Variants in FGF12 observed in about 807,000 individuals in gnomAD.
FGF12 encodes fibroblast growth factor 12.
In FGF12, 14 loss-of-function variants were observed where a neutral mutation model predicts 23.6. The observed-to-expected ratio is 0.59, with a 90% CI of 0.39 to 0.93. The LOEUF (loss-of-function observed/expected upper bound fraction) is 0.93. FGF12 is among the 40% of genes least tolerant of loss of function. FGF12 has a pLI of 0.00. For synonymous variants in FGF12, 62 were observed against 77.3 expected (o/e 0.80, Z 1.04); for missense variants, 175 against 217.8 (o/e 0.80, Z 1.24).
chr3:192,404,558 T>C (rs1326986929), intron 2 of FGF12, among the ~76,000 whole-genome samples: 1 of 152,240 alleles, frequency 6.6e-6, no homozygotes. Flanking sequence ...GGCATCAACA[T>C]TTAGGCAAAT....
At chr3:192,531,029 G>T (rs896601749) in intron 2 of FGF12, among the ~76,000 whole-genome samples, 3 of 152,120 alleles carry the variant, frequency 2.0e-5, no homozygotes, top group Admixed American at 2.0e-4. Flanking sequence ...TGGCCAGGCT[G>T]GTCTCGAACT....
At chr3:192,475,907 T>C (rs1259790320) in intron 2 of FGF12, among the ~76,000 whole-genome samples, 2 of 151,916 alleles carry the variant, frequency 1.3e-5, no homozygotes, top group Non-Finnish European at 2.9e-5. Flanking sequence ...AGATAGATGG[T>C]AGATATAGAT....
rs561615614 is a variant in FGF12, at chr3:192,365,437, A to AT, written c.14-4900dup. 3.6e-4 allele frequency among the ~76,000 whole-genome samples: 55 copies of AT among 152,234 alleles called. No individual in the cohort carries two copies. The South Asian group carries it at 0.011, about 29-fold the overall frequency. On this transcript the variant is annotated intron_variant, in intron 2 of 5. Transcript: ENST00000445105. ...TGAAGGAAATCTGAATAAAGTATGG[A>AT]TTTTAGTTAAACATACTGTAATGAT...
chr3:192,317,833 A>C (rs779173657), intron 4 of FGF12, among the ~76,000 whole-genome samples: 2 of 152,194 alleles, frequency 1.3e-5, no homozygotes, highest in Non-Finnish European at 2.9e-5. Context: ...GGTGGTGGCC[A>C]CAGGGGTGCT....
intron 2 of FGF12, among the ~76,000 whole-genome samples, chr3:192,546,791 A>T (rs776385299): frequency 1.3e-5 from 2 of 152,158 alleles, no homozygotes; most frequent in Non-Finnish European, 2.9e-5. Flanking sequence ...GCTTATGCCT[A>T]TAATTCTCCA....
chr3:192,455,932 G>T (rs1011591185), intron 2 of FGF12, among the ~76,000 whole-genome samples: 1 of 152,196 alleles, frequency 6.6e-6, no homozygotes, highest in Non-Finnish European at 1.5e-5. Flanking sequence ...TTCATGGGAT[G>T]CTCAAGACAG....
At chr3:192,148,446 T>G (rs1713848452) in intron 5 of FGF12, among the ~76,000 whole-genome samples, 1 of 152,128 alleles carries the variant, frequency 6.6e-6, no homozygotes. Flanking sequence ...TGCCAGGGGC[T>G]GGGGAAGAAT....
At chr3:192,312,020 T>C (rs1351069619) in intron 4 of FGF12, among the ~76,000 whole-genome samples, 2 of 152,150 alleles carry the variant, frequency 1.3e-5, no homozygotes, top group African/African-American at 2.4e-5. Flanking sequence ...GTTATATGTC[T>C]TTTTATTACT....
chr3:192,725,941 C>T (rs1719200240), intron 2 of FGF12, among the ~76,000 whole-genome samples: 1 of 152,158 alleles, frequency 6.6e-6, no homozygotes, highest in Non-Finnish European at 1.5e-5. Flanking sequence ...AGATGCCCAT[C>T]AATGTATCAT....
At chr3:192,393,873 A>C (rs1720409568) in intron 2 of FGF12, among the ~76,000 whole-genome samples, 1 of 152,212 alleles carries the variant, frequency 6.6e-6, no homozygotes, top group Admixed American at 6.5e-5. Context: ...GTTTTAAAAA[A>C]AAATTTCATA....
At position 192,140,486 on chromosome 3, in the gene FGF12, ATACT is replaced by A. The variant is rs1372141300; in HGVS notation, c.*3519_*3522del. On this transcript the variant is annotated 3_prime_UTR_variant, in exon 6 of 6. Transcript: ENST00000445105. ...TTAAAAAATTACTGGCAACGTAGTCATACTTACTTCTTCACCAAGAAATCAGTGC... is the reference window on the plus strand; with the variant it reads ...TTAAAAAATTACTGGCAACGTAGTCATACTTCTTCACCAAGAAATCAGTGC... 1.8e-4 allele frequency: 27 copies of A among 152,070 alleles called. No individual in the cohort carries two copies. Among genetic ancestry groups the A allele is most frequent in the African/African-American group, 6.0e-4 (25 of 41,456 alleles). 9.4% of individuals were successfully genotyped at this position (152,070 alleles called of 1,614,324 possible). A position where few individuals can be genotyped will look rare whatever the true frequency, so the allele number is the denominator to read the frequency against.
At chr3:192,213,596 G>A (rs1718044071) in intron 4 of FGF12, among the ~76,000 whole-genome samples, 1 of 152,180 alleles carries the variant, frequency 6.6e-6, no homozygotes, top group Non-Finnish European at 1.5e-5. Flanking sequence ...GAAGGGGCAA[G>A]ACTAAGTCTT....
intron 2 of FGF12, among the ~76,000 whole-genome samples, chr3:192,576,975 T>C (rs1389135300): frequency 1.3e-5 from 2 of 152,060 alleles, no homozygotes; most frequent in Non-Finnish European, 2.9e-5. Context: ...CCAAACACTG[T>C]ATGTCTCACT....
At chr3:192,226,322 T>G (rs1718734323) in intron 4 of FGF12, among the ~76,000 whole-genome samples, 1 of 152,168 alleles carries the variant, frequency 6.6e-6, no homozygotes, top group Non-Finnish European at 1.5e-5. Flanking sequence ...GAATGCCCAG[T>G]AAAAAAGCAA....
At chr3:192,243,917 G>C (rs1422698638) in intron 4 of FGF12, among the ~76,000 whole-genome samples, 1 of 152,036 alleles carries the variant, frequency 6.6e-6, no homozygotes, top group Non-Finnish European at 1.5e-5. Flanking sequence ...AGCAAGGATA[G>C]GTGACAAGTA....
At chr3:192,342,979 AAGAGGAAGAGAGGGAG>A (rs1161051714) in intron 3 of FGF12, among the ~76,000 whole-genome samples, 1 of 151,974 alleles carries the variant, frequency 6.6e-6, no homozygotes, top group Non-Finnish European at 1.5e-5. Flanking sequence ...GAAAGAGAAG[AAGAGGAAGAGAGGGAG>A]AGAGGGAGAG....
intron 2 of FGF12, among the ~76,000 whole-genome samples, chr3:192,708,725 C>T (rs998240343): frequency 2.0e-5 from 3 of 152,030 alleles, no homozygotes; most frequent in African/African-American, 7.2e-5. Context: ...TTTGAAGGAC[C>T]AGGGAAAGAA....
intron 4 of FGF12, among the ~76,000 whole-genome samples, chr3:192,331,311 C>CAAAAAAAAAAAAAAAA (rs201997868): frequency 1.0e-5 from 1 of 95,976 alleles, no homozygotes; most frequent in Non-Finnish European, 2.3e-5. Flanking sequence ...GGAGTTTTCT[C>CAAAAAAAAAAAAAAAA]AAAAAAAAAA....
intron 4 of FGF12, among the ~76,000 whole-genome samples, chr3:192,202,282 C>T (rs559395635): frequency 5.9e-5 from 9 of 152,240 alleles, no homozygotes; most frequent in Admixed American, 5.9e-4. Context: ...CCCGGTAGCT[C>T]TAATGAAAGC....
Sources: gnomAD v4.1 joint callset for allele counts (sites outside exome capture counted in the v4.1 genomes callset) on GRCh38, gnomAD v4.1.1 for gene constraint, MANE v1.5 for transcripts, NCBI Gene and HGNC (gene_info 2026-07-23, HGNC 2026-07-21) for gene names.